Variants in SEMA3A observed in about 807,000 individuals in gnomAD.
SEMA3A encodes semaphorin 3A.
Under a neutral mutation model 97.9 loss-of-function variants are expected in SEMA3A, and 29 were observed. The ratio of observed to expected loss-of-function variants is 0.30; its 90% CI spans 0.22 to 0.40. The LOEUF is 0.40. Ranked by LOEUF, SEMA3A falls within the 10% of genes least tolerant of loss-of-function variation. The pLI, the probability that SEMA3A is intolerant of heterozygous loss-of-function variation, is 1.00. For missense variants in SEMA3A, 763 were observed against 951.3 expected (o/e 0.80, Z 2.60); for synonymous variants, 321 against 323.7 (o/e 0.99, Z 0.09).
At chr7:84,451,983 T>C (rs898513984) in intron 1 of SEMA3A, among the ~76,000 whole-genome samples, 2 of 152,198 alleles carry the variant, frequency 1.3e-5, no homozygotes, top group Non-Finnish European at 2.9e-5. Flanking sequence ...TCTCCTACTC[T>C]TAATCTATAA....
chr7:84,157,375 C>T (rs543158644), intron 1 of SEMA3A, among the ~76,000 whole-genome samples: 2 of 152,160 alleles, frequency 1.3e-5, no homozygotes, highest in African/African-American at 4.8e-5. Context: ...GTAGGCATCT[C>T]AAAAGCCTTG....
At chr7:84,082,358 GTCGAAAGAAC>G (rs1467700604) in intron 4 of SEMA3A, among the ~76,000 whole-genome samples, 5 of 152,296 alleles carry the variant, frequency 3.3e-5, no homozygotes, top group African/African-American at 1.2e-4. Context: ...GAAGTGGAAA[GTCGAAAGAAC>G]TTAATTTGCT....
chr7:84,200,050 C>T (rs1481678447), upstream of SEMA3A, among the ~76,000 whole-genome samples: 3 of 151,906 alleles, frequency 2.0e-5, no homozygotes, highest in Non-Finnish European at 2.9e-5. Flanking sequence ...TCTTCCCTCT[C>T]CCTTTGACTC....
At chr7:84,428,317 A>C (rs945550062) in intron 1 of SEMA3A, among the ~76,000 whole-genome samples, 2 of 152,100 alleles carry the variant, frequency 1.3e-5, no homozygotes, top group African/African-American at 4.8e-5. Context: ...ATGTAAAATA[A>C]AAGTATGACG....
intron 2 of SEMA3A, among the ~76,000 whole-genome samples, chr7:84,366,768 A>G (rs1018403805): frequency 6.6e-6 from 1 of 151,330 alleles, no homozygotes; most frequent in Admixed American, 6.6e-5. Flanking sequence ...AAAAATCCAC[A>G]TGTCATTTTC....
At chr7:84,056,483 G>A (rs1792980424) in intron 5 of SEMA3A, among the ~76,000 whole-genome samples, 1 of 151,962 alleles carries the variant, frequency 6.6e-6, no homozygotes, top group Non-Finnish European at 1.5e-5. Context: ...ATGGATGTGA[G>A]CAAAATATCA....
intron 3 of SEMA3A, among the ~76,000 whole-genome samples, chr7:84,293,228 T>C (rs888008153): frequency 6.6e-6 from 1 of 152,080 alleles, no homozygotes; most frequent in African/African-American, 2.4e-5. Context: ...TCTGCCTAGT[T>C]GTTTTATCCG....
At chr7:84,438,381 C>T (rs909739440) in intron 1 of SEMA3A, among the ~76,000 whole-genome samples, 11 of 152,086 alleles carry the variant, frequency 7.2e-5, no homozygotes, top group Admixed American at 2.0e-4. Flanking sequence ...TTTCCCACCA[C>T]TTCAAGAAAC....
At chr7:84,478,113 G>A (rs547433258) in intron 1 of SEMA3A, among the ~76,000 whole-genome samples, 1 of 152,280 alleles carries the variant, frequency 6.6e-6, no homozygotes, top group African/African-American at 2.4e-5. Flanking sequence ...TTAGTGGTAA[G>A]AGAGACCCTC....
intron 7 of SEMA3A, among the ~76,000 whole-genome samples, chr7:84,011,821 A>G (rs1473506656): frequency 2.0e-5 from 3 of 152,170 alleles, no homozygotes; most frequent in Non-Finnish European, 4.4e-5. Flanking sequence ...TTTAATTATT[A>G]CACATTATAT....
At chr7:84,353,233 C>T (rs572379059) in intron 2 of SEMA3A, among the ~76,000 whole-genome samples, 1 of 151,590 alleles carries the variant, frequency 6.6e-6, no homozygotes, top group African/African-American at 2.4e-5. Flanking sequence ...TTTTTGGTCC[C>T]GAAGTATTTT....
chr7:84,195,004 CAGAGAGAGAGAGAGAGAGAAAGAGAG>C (rs1798176820), upstream of SEMA3A: 3 of 137,258 alleles, frequency 2.2e-5, no homozygotes, highest in African/African-American at 8.5e-5. Context: ...GAAAGGGAAA[CAGAGAGAGAGAGAGAGAGAAAGAGAG>C]AGAGAGAGAG....
intron 3 of SEMA3A, among the ~76,000 whole-genome samples, chr7:84,254,109 G>C (rs1799665551): frequency 6.6e-6 from 1 of 152,158 alleles, no homozygotes; most frequent in African/African-American, 2.4e-5. Flanking sequence ...TCAAACATCT[G>C]AAAGAGAGAA....
intron 1 of SEMA3A, among the ~76,000 whole-genome samples, chr7:84,442,755 TG>T (rs1805303911): frequency 6.6e-6 from 1 of 152,190 alleles, no homozygotes; most frequent in South Asian, 2.1e-4. Context: ...AAGATTAAAA[TG>T]GGTCGAAGAG....
chr7:84,189,279 G>T (rs958644046), intron 1 of SEMA3A, among the ~76,000 whole-genome samples: 6 of 151,694 alleles, frequency 4.0e-5, no homozygotes, highest in Admixed American at 6.6e-5. Context: ...TTTCATAAAG[G>T]TTTGACAAGA....
chr7:84,026,519 C>T (rs1302181758), intron 6 of SEMA3A, among the ~76,000 whole-genome samples: 1 of 152,166 alleles, frequency 6.6e-6, no homozygotes, highest in Non-Finnish European at 1.5e-5. Flanking sequence ...GAATATAAAT[C>T]ATTGTACCAT....
At chr7:84,062,280 C>A (rs1204726950) in intron 4 of SEMA3A, among the ~76,000 whole-genome samples, 1 of 152,022 alleles carries the variant, frequency 6.6e-6, no homozygotes, top group Non-Finnish European at 1.5e-5. Context: ...AACTTTTTCA[C>A]AAATACGAAT....
intron 2 of SEMA3A, among the ~76,000 whole-genome samples, chr7:84,349,989 G>GA (rs1054409576): frequency 6.6e-5 from 10 of 150,990 alleles, no homozygotes; most frequent in South Asian, 2.1e-4. Context: ...ATCCAAATTG[G>GA]AAAAAAAACA....
rs35720658 is a variant in SEMA3A at position 84,431,622 on chromosome 7, G to GTT, written c.-245-59724_-245-59723dup. On this transcript the variant is annotated intron_variant, in intron 1 of 3. Coordinates refer to the SEMA3A transcript ENST00000424555. ...AAGCTACAGAAAATTAAAAATCAGA[G>GTT]TTTTTTTTTTAACAAGGCTACCTAT... 0.013 allele frequency among the ~76,000 whole-genome samples: 1,873 copies of GTT among 148,402 alleles called. 78 individuals are homozygous for GTT. The East Asian group carries it at 0.16, about 13-fold the overall frequency.
Sources: allele counts gnomAD v4.1 joint callset (sites outside exome capture counted in the v4.1 genomes callset), GRCh38; gene constraint gnomAD v4.1.1; transcripts MANE v1.5; gene names NCBI Gene and HGNC (gene_info 2026-07-23, HGNC 2026-07-21).